TPRG1: variants seen among roughly 807,000 people sequenced by gnomAD.
TPRG1 encodes tumor protein p63-regulated gene 1 protein.
A neutral mutation model predicts 29.3 loss-of-function variants in TPRG1; 29 were observed. That is an observed-to-expected ratio of 0.99 (90% CI 0.74 to 1.35). TPRG1 has a LOEUF of 1.35. Among genes scored for constraint, TPRG1 ranks in the 40% most tolerant of loss-of-function variants. The pLI is 0.00. For synonymous variants in TPRG1, 130 were observed against 116.8 expected (o/e 1.11, Z -0.73); for missense variants, 327 against 335.0 (o/e 0.98, Z 0.19).
At chr3:189,117,879 C>A (rs543340006) in intron 1 of TPRG1, among the ~76,000 whole-genome samples, 1 of 152,162 alleles carries the variant, frequency 6.6e-6, no homozygotes, top group Admixed American at 6.5e-5. Context: ...TTCTTCATAG[C>A]AGTGTGAGAA....
intron 4 of TPRG1, among the ~76,000 whole-genome samples, chr3:189,092,124 G>T (rs1718377444): frequency 6.6e-6 from 1 of 152,144 alleles, no homozygotes; most frequent in Non-Finnish European, 1.5e-5. Flanking sequence ...TTTCAGTTCA[G>T]AGATATCTAT....
intron 3 of TPRG1, among the ~76,000 whole-genome samples, chr3:189,223,061 C>T (rs562339464): frequency 1.3e-5 from 2 of 152,200 alleles, no homozygotes; most frequent in Non-Finnish European, 2.9e-5. Context: ...GAAGAAGGCA[C>T]TCCTTGAGGC....
chr3:189,099,653 T>C (rs1422348981), upstream of TPRG1, among the ~76,000 whole-genome samples: 1 of 152,050 alleles, frequency 6.6e-6, no homozygotes, highest in Non-Finnish European at 1.5e-5. Flanking sequence ...CTATGTAACA[T>C]GTGGGGCCTG....
intron 4 of TPRG1, among the ~76,000 whole-genome samples, chr3:189,258,117 T>C (rs577091543): frequency 5.5e-4 from 83 of 152,278 alleles, no homozygotes; most frequent in African/African-American, 1.9e-3. Context: ...TTTGTGCTGG[T>C]TTTTCCTCAT....
intron 4 of TPRG1, among the ~76,000 whole-genome samples, chr3:189,055,240 T>C (rs9877261): frequency 0.17 from 25,981 of 152,168 alleles, 4,672 homozygotes; most frequent in African/African-American, 0.46. Flanking sequence ...ATCTCTTATT[T>C]CCTCTTCTTT....
intron 4 of TPRG1, among the ~76,000 whole-genome samples, chr3:189,258,648 T>G (rs1712372266): frequency 6.6e-6 from 1 of 152,074 alleles, no homozygotes; most frequent in Admixed American, 6.6e-5. Flanking sequence ...GATGAAAGAT[T>G]TATCTATAAG....
At chr3:189,139,551 A>G (rs534903327) in intron 3 of TPRG1, among the ~76,000 whole-genome samples, 6 of 152,262 alleles carry the variant, frequency 3.9e-5, no homozygotes, top group Non-Finnish European at 5.9e-5. Flanking sequence ...TCGTATTCAT[A>G]ATTTGACTAA....
At chr3:189,148,419 T>C (rs948839151) in intron 4 of TPRG1, among the ~76,000 whole-genome samples, 4 of 152,202 alleles carry the variant, frequency 2.6e-5, no homozygotes, top group African/African-American at 9.7e-5. Flanking sequence ...CCGAGTGTTA[T>C]CAAAGCAGAG....
chr3:189,016,965 A>T (rs1463614734), intron 3 of TPRG1, among the ~76,000 whole-genome samples: 1 of 152,090 alleles, frequency 6.6e-6, no homozygotes, highest in Non-Finnish European at 1.5e-5. Context: ...GCATTTCCTG[A>T]ATTTGAATGT....
intron 4 of TPRG1, among the ~76,000 whole-genome samples, chr3:189,278,229 G>A (rs566972434): frequency 3.3e-5 from 5 of 152,260 alleles, no homozygotes; most frequent in Admixed American, 3.3e-4. Context: ...AGTCTCAGGA[G>A]CAGTGAAGGG....
At chr3:189,026,686 G>T (rs147582650) in intron 4 of TPRG1, among the ~76,000 whole-genome samples, 27 of 152,308 alleles carry the variant, frequency 1.8e-4, no homozygotes, top group South Asian at 1.0e-3. Context: ...AGGTGAAGTT[G>T]TAGAGTCTTG....
Position 189,199,815 on chromosome 3 carries a change from G to A in TPRG1, c.-9-7561G>A, listed in dbSNP as rs1026136416. 2.0e-5 allele frequency among the ~76,000 whole-genome samples: 3 copies of A among 152,280 alleles called. No homozygotes were observed. The East Asian group carries it at 5.8e-4, about 29-fold the overall frequency. The stretch of plus-strand genomic sequence containing the variant: ...GAATCTCTTGAACCCTGGAGGCAGA[G>A]GTTGCAGTGAGCTGAGATCACGCCA... On this transcript the variant is annotated intron_variant, in intron 1 of 5. Coordinates refer to ENST00000345063, the MANE Select transcript of TPRG1 (RefSeq NM_198485.4).
chr3:189,013,272 A>T (rs1712700025), intron 3 of TPRG1, among the ~76,000 whole-genome samples: 1 of 152,076 alleles, frequency 6.6e-6, no homozygotes, highest in South Asian at 2.1e-4. Context: ...TAATTTCATT[A>T]TTTACCCTAA....
rs1218270246 is a variant in TPRG1, at chr3:189,322,175, G to C, written c.*1355G>C. 1 of 151,882 alleles carries C rather than the reference G, an allele frequency of 6.6e-6. No individual in the cohort carries two copies. Among genetic ancestry groups the C allele is most frequent in the South Asian group, 2.1e-4 (1 of 4,812 alleles). 9.4% of individuals were successfully genotyped at this position (151,882 alleles called of 1,614,324 possible). On this transcript the variant is annotated 3_prime_UTR_variant, in exon 6 of 6. Transcript: ENST00000345063. ...CAAGACTCAAAATTGACACATCTTTGTTGATGTTTAAGTTGAAATTCCAGC... is the reference window on the plus strand; with the variant it reads ...CAAGACTCAAAATTGACACATCTTTCTTGATGTTTAAGTTGAAATTCCAGC...
intron 3 of TPRG1, among the ~76,000 whole-genome samples, chr3:189,228,401 T>C (rs1206217655): frequency 1.3e-5 from 2 of 151,962 alleles, no homozygotes; most frequent in African/African-American, 2.4e-5. Context: ...TTAAAAAAAA[T>C]TGGTGTAAAA....
intron 3 of TPRG1, among the ~76,000 whole-genome samples, chr3:189,022,869 C>G (rs979930919): frequency 5.9e-5 from 9 of 152,218 alleles, no homozygotes; most frequent in Admixed American, 2.6e-4. Flanking sequence ...GCTGTGCTAG[C>G]AATCAGCGAG....
intron 4 of TPRG1, among the ~76,000 whole-genome samples, chr3:189,094,499 C>T (rs1302427878): frequency 6.6e-6 from 1 of 152,094 alleles, no homozygotes; most frequent in African/African-American, 2.4e-5. Flanking sequence ...TAAGAGGTCC[C>T]AGGTTGTCAG....
exon 4 of TPRG1, chr3:189,147,589 C>T (rs2108589290): frequency 6.6e-6 from 1 of 152,352 alleles, no homozygotes; most frequent in South Asian, 2.1e-4. Flanking sequence ...ACTAGGATGT[C>T]TTCCATTTGG....
chr3:189,210,805 A>ACTAGTTTT (rs1735148550), intron 2 of TPRG1, among the ~76,000 whole-genome samples: 1 of 152,212 alleles, frequency 6.6e-6, no homozygotes. Flanking sequence ...TAGGGCTCAA[A>ACTAGTTTT]CTAGTTTTCC....
Sources: gnomAD v4.1 joint callset for allele counts (sites outside exome capture counted in the v4.1 genomes callset) on GRCh38, gnomAD v4.1.1 for gene constraint, MANE v1.5 for transcripts, NCBI Gene and HGNC (gene_info 2026-07-23, HGNC 2026-07-21) for gene names.